The following DCLRE1A variants were observed in gnomAD, a reference collection of about 807,000 sequenced individuals.
DCLRE1A encodes the protein DNA cross-link repair 1A protein.
Under a neutral mutation model 91.9 loss-of-function variants are expected in DCLRE1A, and 64 were observed. The ratio of observed to expected loss-of-function variants is 0.70; its 90% CI spans 0.57 to 0.86. DCLRE1A has a LOEUF of 0.86. Among genes scored for constraint, DCLRE1A ranks in the 40% least tolerant of loss-of-function variants. The probability of loss-of-function intolerance (pLI) is 0.00; values close to 1 mark genes in which losing one functional copy is unlikely to be tolerated. For missense variants in DCLRE1A, 1,145 were observed against 1,213.3 expected (o/e 0.94, Z 0.84); for synonymous variants, 416 against 431.1 (o/e 0.96, Z 0.43).
At position 113,844,024 on chromosome 10, in the gene DCLRE1A, G is replaced by A. The variant is rs1845488115; in HGVS notation, c.2519+80C>T. On this transcript the variant is annotated intron_variant, in intron 5 of 8. Transcript: ENST00000361384. ...GCCTTAAAATAATAATTGGCAATAA[G>A]CCATCATTTTGATAACCATAATACA... The A allele has an allele frequency of 2.0e-6, 3 of 1,528,702 alleles. No individual in the cohort carries two copies. The African/African-American group carries it at 4.2e-5, about 21-fold the overall frequency. 94.7% of individuals were successfully genotyped at this position (1,528,702 alleles called of 1,614,324 possible).
Position 113,834,979 on chromosome 10 carries a change from G to C in DCLRE1A, c.*173C>G. The C allele has an allele frequency of 1.5e-6, 1 of 649,382 alleles. No homozygotes were observed. Among genetic ancestry groups the C allele is most frequent in the Non-Finnish European group, 2.5e-6 (1 of 400,372 alleles). The allele number at this position is 649,382 out of a possible 1,614,324, so 40.2% of individuals were successfully genotyped here. ...AGTTTCAGTTATCCTTGATGATGCTGAGAGGCATTCAGCACCACGAACATG... is the reference window on the plus strand; with the variant it reads ...AGTTTCAGTTATCCTTGATGATGCTCAGAGGCATTCAGCACCACGAACATG... On this transcript the variant is annotated 3_prime_UTR_variant, in exon 9 of 9. Coordinates refer to ENST00000361384, the MANE Select transcript of DCLRE1A (RefSeq NM_014881.5).
chr10:113,837,693 C>T (rs917308049), intron 7 of DCLRE1A, among the ~76,000 whole-genome samples: 1 of 152,128 alleles, frequency 6.6e-6, no homozygotes, highest in African/African-American at 2.4e-5. Flanking sequence ...GCATTCTTTT[C>T]AGGTGTTTAT....
chr10:113,848,957 C>T (rs753691669), intron 2 of DCLRE1A, 23 bp downstream of exon 2: 151 of 1,592,166 alleles, frequency 9.5e-5, no homozygotes, highest in Non-Finnish European at 1.1e-4. Flanking sequence ...GTTGATATAT[C>T]GAGTATTGAC....
chr10:113,849,242 C>T lies in DCLRE1A; in HGVS notation c.1863G>A (p.Gln621=), dbSNP rs1227033738. ...TCTCACTAGAAAGTTCCACAGAAAG[C>T]TGACTCTCATGTAAAGTACTTGCAT... ...EFDASTLHES[Q]LSVELSSERS... Residue 621 remains glutamine, a synonymous_variant, in exon 2 of 9, where the codon CAG becomes CAA. Coordinates refer to ENST00000361384, the MANE Select transcript of DCLRE1A (RefSeq NM_014881.5). The T allele has an allele frequency of 1.9e-6, 3 of 1,613,994 alleles. No homozygotes were observed. The highest frequency in any genetic ancestry group is 1.7e-5 in the Admixed American group (1 of 59,996).
chr10:113,837,940 C>T (rs1027152643), intron 7 of DCLRE1A, among the ~76,000 whole-genome samples: 1 of 152,014 alleles, frequency 6.6e-6, no homozygotes, highest in Admixed American at 6.5e-5. Context: ...ACAAAAAAAT[C>T]TAATACTTTT....
rs566231940 is a variant in DCLRE1A at position 113,849,159 on chromosome 10, C to T, written c.1946G>A (p.Cys649Tyr). The change falls in exon 2 of 9, where the codon TGT (cysteine) becomes TAT (tyrosine). Residue 649 changes from cysteine (C) to tyrosine (Y), a missense_variant. Cys to Tyr is a radical substitution (Grantham distance 194). Transcript: ENST00000361384. ...AATAAGGTGATCTGATCTCTTCTGA[C>T]ACGCTCCTTCCTGCAGTGAATTTGA... Reference protein sequence around the residue: ...RKSNSLQEGACQKRSDHLINT... With the variant: ...RKSNSLQEGAYQKRSDHLINT... 6 of 1,614,106 alleles carry T rather than the reference C, an allele frequency of 3.7e-6. No individual in the cohort carries two copies. In the Admixed American group the frequency reaches 1.0e-4, roughly 27 times the overall value.
intron 6 of DCLRE1A, 25 bp from the exon 7 acceptor site, chr10:113,841,585 A>T: frequency 6.3e-7 from 1 of 1,581,020 alleles, no homozygotes; most frequent in South Asian, 1.2e-5. Flanking sequence ...AAAGATTAAA[A>T]ATAGTAAACT....
chr10:113,843,023 TACACACACACACAC>T (rs10527278), intron 5 of DCLRE1A, among the ~76,000 whole-genome samples: 35 of 145,980 alleles, frequency 2.4e-4, no homozygotes, highest in African/African-American at 6.6e-4. Context: ...TGTACATGTG[TACACACACACACAC>T]ACACACACAC....
chr10:113,835,371 A>G, intron 8 of DCLRE1A, 59 bp from the exon 9 acceptor site: 1 of 1,473,614 alleles, frequency 6.8e-7, no homozygotes, highest in Non-Finnish European at 9.1e-7. Flanking sequence ...AACTTTCACA[A>G]TCCTAAAATA....
At chr10:113,851,213 A>G (rs1333497849) in intron 1 of DCLRE1A, among the ~76,000 whole-genome samples, 1 of 152,216 alleles carries the variant, frequency 6.6e-6, no homozygotes, top group Non-Finnish European at 1.5e-5. Flanking sequence ...TCCAATTTCC[A>G]TTCTTGATTT....
rs372269794 is a variant in DCLRE1A, at chr10:113,852,994, A to C, written c.189T>G (p.His63Gln). ...RAAEAKEVKD[H>Q]EVPLGNAGCQ... ...AACCTGCATTTCCAAGGGGCACTTC[A>C]TGGTCCTTCACCTCTTTAGCTTCTG... The change falls in exon 1 of 9, where the codon CAT (histidine) becomes CAG (glutamine). Residue 63 changes from histidine to glutamine, a missense_variant. Transcript: ENST00000361384. 6.2e-7 allele frequency: 1 copy of C among 1,614,192 alleles called. No individual in the cohort carries two copies. The highest frequency in any genetic ancestry group is 8.5e-7 in the Non-Finnish European group (1 of 1,180,040).
In DCLRE1A at chr10:113,849,993, T is replaced by A. The variant is rs774049199; in HGVS notation, c.1112A>T (p.Tyr371Phe). The A allele has an allele frequency of 2.5e-6, 4 of 1,614,220 alleles. No individual in the cohort carries two copies. Among genetic ancestry groups the A allele is most frequent in the Non-Finnish European group, 3.4e-6 (4 of 1,180,038 alleles). Residue 371 changes from tyrosine to phenylalanine, a missense_variant, in exon 2 of 9, where the codon TAT (tyrosine) becomes TTT (phenylalanine). Transcript: ENST00000361384. ...ATTGAATCTATACAATCCTTCATCATACTTATCCCGAGTTAAGAAGCTGTT... is the reference window on the plus strand; with the variant it reads ...ATTGAATCTATACAATCCTTCATCAAACTTATCCCGAGTTAAGAAGCTGTT... ...KVNSFLTRDK[Y>F]DEGLYRFNSL...
At chr10:113,848,120 T>C (rs539596754) in intron 2 of DCLRE1A, among the ~76,000 whole-genome samples, 37 of 152,050 alleles carry the variant, frequency 2.4e-4, no homozygotes, top group Non-Finnish European at 4.1e-4. Context: ...GAGACCATCC[T>C]GGCTAGCACG....
chr10:113,841,462 T>C lies in DCLRE1A; in HGVS notation c.2764A>G (p.Thr922Ala), dbSNP rs756375648. The C allele has an allele frequency of 1.2e-6, 2 of 1,613,582 alleles. No homozygotes were observed. The highest frequency in any genetic ancestry group is 1.1e-5 in the South Asian group (1 of 91,030). The change falls in exon 7 of 9, where the codon ACC becomes GCC. Residue 922 changes from threonine (T) to alanine (A), a missense_variant. Physicochemically the swap from Thr to Ala is moderately conservative, Grantham distance 58. Transcript: ENST00000361384. ...TGAACCAATGAACTGCACATGTCGG[T>C]AGTGATGAGTGAATTAATTTCTGGT... ...NIPEINSLIT[T>A]DMCSSLVHLL...
chr10:113,837,914 T>A (rs1193938361), intron 7 of DCLRE1A, among the ~76,000 whole-genome samples: 1 of 152,098 alleles, frequency 6.6e-6, no homozygotes, highest in Non-Finnish European at 1.5e-5. Flanking sequence ...TTACAAATAA[T>A]AATGGCACGA....
rs1845458065 is a variant in DCLRE1A at position 113,842,352 on chromosome 10, CTT to C, written c.2654_2655del (p.Lys885SerfsTer7). 6.2e-7 allele frequency: 1 copy of C among 1,612,912 alleles called. No individual in the cohort carries two copies. The highest frequency in any genetic ancestry group is 8.5e-7 in the Non-Finnish European group (1 of 1,179,232). ...VCGTYSIGKE[K>X]VFLAIADVLG... is the part of the protein sequence containing the mutation. ...TACACCTACAACTCACCTAGGAAGA[CTT>C]TCTCTTTTCCAATAGAGTAAGTGCC... On this transcript the variant is annotated frameshift_variant, in exon 6 of 9. Transcript: ENST00000361384. LOFTEE classifies it high-confidence loss of function.
At chr10:113,847,382 C>G in intron 2 of DCLRE1A, 47 bp from the exon 3 acceptor site, 1 of 1,598,416 alleles carries the variant, frequency 6.3e-7, no homozygotes, top group Non-Finnish European at 8.5e-7. Context: ...AGCTAAGATA[C>G]CCAATTTGAT....
intron 4 of DCLRE1A, 107 bp from the exon 5 acceptor site, chr10:113,844,351 G>A (rs1257195014): frequency 2.7e-5 from 38 of 1,406,376 alleles, no homozygotes; most frequent in Non-Finnish European, 3.4e-5. Flanking sequence ...TGACCACAAT[G>A]ACATAGCATT....
In DCLRE1A at chr10:113,849,370, C is replaced by A; in HGVS notation, c.1735G>T (p.Ala579Ser). Residue 579 changes from alanine to serine, a missense_variant, in exon 2 of 9, where the codon GCA becomes TCA. Ala to Ser is a moderately conservative substitution (Grantham distance 99, BLOSUM62 1). Coordinates refer to ENST00000361384, the MANE Select transcript of DCLRE1A (RefSeq NM_014881.5). Reference sequence around the variant, plus strand: ...GGATTTAAGTTTATCCCTTCTAATGCACTTTCCCCTAGCAATTTCTCTTCC... The same window carrying A: ...GGATTTAAGTTTATCCCTTCTAATGAACTTTCCCCTAGCAATTTCTCTTCC... ...RKEEKLLGES[A>S]LEGINLNPVP... 1 of 1,613,988 alleles carries A rather than the reference C, an allele frequency of 6.2e-7. No individual in the cohort carries two copies. Among genetic ancestry groups the A allele is most frequent in the Non-Finnish European group, 8.5e-7 (1 of 1,179,952 alleles).
Sources: gnomAD v4.1 joint callset for allele counts (sites outside exome capture counted in the v4.1 genomes callset) on GRCh38, gnomAD v4.1.1 for gene constraint, MANE v1.5 for transcripts, NCBI Gene and HGNC (gene_info 2026-07-23, HGNC 2026-07-21) for gene names.